The following TTN variants were observed in gnomAD, a reference collection of about 807,000 sequenced individuals.
The protein encoded by TTN is titin.
A neutral mutation model predicts 3,223.0 loss-of-function variants in TTN; 1,525 were observed. The ratio of observed to expected loss-of-function variants is 0.47; its 90% CI spans 0.45 to 0.49. The LOEUF is 0.49. Among genes scored for constraint, TTN ranks in the 20% least tolerant of loss-of-function variants. The pLI is 0.00. For synonymous variants in TTN, 14,094 were observed against 15,161.0 expected, an observed-to-expected ratio of 0.93 and a Z score of 5.17; for missense variants, 40,786 against 43,424.0, an observed-to-expected ratio of 0.94 and a Z score of 5.40.
chr2:178,607,258 G>C lies in TTN; in HGVS notation c.53344C>G (p.Leu17782Val), dbSNP rs1178247710. ...TCTTCTGGATCAGACCAGTTAAGTA[G>C]ACACATTTTTCTGTTTGTTACAACA... Reference protein sequence around the residue: ...KPVVTNRKMCLLNWSDPEDDG... With the variant: ...KPVVTNRKMCVLNWSDPEDDG... The change falls in exon 278 of 363, where the codon CTA (leucine) becomes GTA (valine). Residue 17782 changes from leucine to valine, a missense_variant. Leu to Val is a conservative substitution (Grantham distance 32). Coordinates refer to ENST00000589042, the MANE Select transcript of TTN (RefSeq NM_001267550.2). 6.2e-6 allele frequency: 10 copies of C among 1,612,692 alleles called. No individual in the cohort carries two copies. Among genetic ancestry groups the C allele is most frequent in the Non-Finnish European group, 8.5e-6 (10 of 1,179,288 alleles).
intron 98 of TTN, among the ~76,000 whole-genome samples, chr2:178,710,170 G>A (rs1380871437): frequency 6.6e-6 from 1 of 152,228 alleles, no homozygotes; most frequent in Non-Finnish European, 1.5e-5. Context: ...TATAAGCTGG[G>A]TGTGGTGGCT....
At chr2:178,550,433 T>G (rs1698924465) in intron 336 of TTN, 160 bp from the exon 337 acceptor site, 1 of 613,734 alleles carries the variant, frequency 1.6e-6, no homozygotes, top group Non-Finnish European at 2.7e-6. Flanking sequence ...ATTGAGAATT[T>G]GGACTATGGG....
At chr2:178,752,182 T>C in intron 47 of TTN, 1 of 762,242 alleles carries the variant, frequency 1.3e-6, no homozygotes. Flanking sequence ...ACCATATTTG[T>C]TCGAATAAAC....
At chr2:178,642,365 G>T in intron 218 of TTN, 48 bp from the exon 219 acceptor site, 1 of 1,501,090 alleles carries the variant, frequency 6.7e-7, no homozygotes, top group South Asian at 1.3e-5. Flanking sequence ...ATATAAAAAC[G>T]GAATTTCAAC....
rs762662244 is a variant in TTN at position 178,634,497 on chromosome 2, G to A, written c.42284C>T (p.Ser14095Phe). 1 of 1,613,200 alleles carries A rather than the reference G, an allele frequency of 6.2e-7. No homozygotes were observed. Among genetic ancestry groups the A allele is most frequent in the East Asian group, 2.2e-5 (1 of 44,792 alleles). Residue 14095 changes from serine (S) to phenylalanine (F), a missense_variant, in exon 230 of 363, where the codon TCT becomes TTT. By Grantham distance (155) the Ser-to-Phe change is radical (BLOSUM62 -2). Coordinates refer to ENST00000589042, the MANE Select transcript of TTN (RefSeq NM_001267550.2). This position sits in a 1 kb window ranked among gnomAD's most constrained non-coding sequence, Gnocchi z 4.6. ...ATCAGCGATGATATCAAATTTGTCA[G>A]ATGACTTAATTATATCAGGTCCTTT... The part of the protein sequence containing the change: ...WSKGPDIIKS[S>F]DKFDIIADGK...
chr2:178,792,723 G>A (rs181338296), intron 9 of TTN, among the ~76,000 whole-genome samples: 1 of 152,280 alleles, frequency 6.6e-6, no homozygotes, highest in Non-Finnish European at 1.5e-5. Context: ...TATGTAGGGG[G>A]ACAGTTTTCT....
rs757101265 is a variant in TTN, at chr2:178,589,132, G to T, written c.62593C>A (p.Pro20865Thr). 27 of 1,612,820 alleles carry T rather than the reference G, an allele frequency of 1.7e-5. No homozygotes were observed. In the South Asian group the frequency reaches 2.9e-4, roughly 17 times the overall value. Residue 20865 changes from proline to threonine, a missense_variant, in exon 304 of 363, where the codon CCT becomes ACT. Pro to Thr is a conservative substitution (Grantham distance 38). Coordinates refer to ENST00000589042, the MANE Select transcript of TTN (RefSeq NM_001267550.2). ...ATTTTCAGATTTCTCACAGGACCAG[G>T]CTTATCTAAAACATTGACAGTGGCA... The part of the protein sequence containing the change: ...AYATVNVLDK[P>T]GPVRNLKIVD...
At chr2:178,637,187 A>ATCTATATATCTATC (rs1356754460) in intron 224 of TTN, among the ~76,000 whole-genome samples, 182 bp downstream of exon 224, 162 of 125,288 alleles carry the variant, frequency 1.3e-3, no homozygotes, top group African/African-American at 4.7e-3. Flanking sequence ...ATATATATAT[A>ATCTATATATCTATC]TATCTCCTTG....
chr2:178,784,734 G>A (rs59532220), intron 15 of TTN, among the ~76,000 whole-genome samples: 8,906 of 152,068 alleles, frequency 0.059, 334 homozygotes, highest in Non-Finnish European at 0.085. Flanking sequence ...TGAAATTGTT[G>A]GTAAATGCCT....
rs1208500218 is a variant in TTN, at chr2:178,560,322, G to T, written c.85810C>A (p.Pro28604Thr). Reference sequence around the variant, plus strand: ...GATTTCACTCTTAGATCATAAACTGGTTTTTTGTTTACACGCACCCATCTT... The same window carrying T: ...GATTTCACTCTTAGATCATAAACTGTTTTTTTGTTTACACGCACCCATCTT... ...SLRWVRVNKK[P>T]VYDLRVKSTG... Residue 28604 changes from proline (P) to threonine (T), a missense_variant, in exon 326 of 363, where the codon CCA (proline) becomes ACA (threonine). Pro to Thr is a conservative substitution (Grantham distance 38, BLOSUM62 -1). Transcript: ENST00000589042. 1.2e-6 allele frequency: 2 copies of T among 1,613,694 alleles called. No individual in the cohort carries two copies. Among genetic ancestry groups the T allele is most frequent in the South Asian group, 2.2e-5 (2 of 91,072 alleles).
chr2:178,719,257 T>C lies in TTN; in HGVS notation c.24133A>G (p.Ser8045Gly). 1.9e-6 allele frequency: 3 copies of C among 1,613,572 alleles called. No individual in the cohort carries two copies. The highest frequency in any genetic ancestry group is 2.5e-6 in the Non-Finnish European group (3 of 1,179,712). The change falls in exon 83 of 363, where the codon AGC (serine) becomes GGC (glycine). Residue 8045 changes from serine (S) to glycine (G), a missense_variant. By Grantham distance (56) the Ser-to-Gly change is moderately conservative. Transcript: ENST00000589042. ...FSENVCTLNL[S>G]LLEPSDTGIY... ...CCTGTGTCGGAGGGCTCCAACAAGCTCAGATTCAAAGTACAGACGTTTTCC... is the reference window on the plus strand; with the variant it reads ...CCTGTGTCGGAGGGCTCCAACAAGCCCAGATTCAAAGTACAGACGTTTTCC...
chr2:178,562,544 G>C lies in TTN; in HGVS notation c.83588C>G (p.Pro27863Arg). The change falls in exon 326 of 363, where the codon CCA (proline) becomes CGA (arginine). Residue 27863 changes from proline (P) to arginine (R), a missense_variant. By Grantham distance (103) the Pro-to-Arg change is moderately radical. Transcript: ENST00000589042. ...ETTEPVKVSE[P>R]PLPPGRVTLV... is the part of the protein sequence containing the mutation. ...AGTTACTCTTCCAGGTGGGAGGGGT[G>C]GTTCAGACACTTTAACGGGTTCTGT... The C allele has an allele frequency of 6.2e-7, 1 of 1,610,078 alleles. No homozygotes were observed. Among genetic ancestry groups the C allele is most frequent in the Non-Finnish European group, 8.5e-7 (1 of 1,178,562 alleles).
chr2:178,669,471 T>C, intron 158 of TTN, 24 bp from the exon 159 acceptor site: 1 of 1,559,170 alleles, frequency 6.4e-7, no homozygotes, highest in Non-Finnish European at 8.6e-7. Context: ...AGTATATTAA[T>C]TGTTACAGAT....
intron 24 of TTN, 160 bp downstream of exon 24, chr2:178,778,714 G>T (rs2092479455): frequency 1.0e-6 from 1 of 984,972 alleles, no homozygotes; most frequent in East Asian, 2.6e-5. Flanking sequence ...TTACACAGGG[G>T]CAAGAAATAA....
chr2:178,778,363 A>C, intron 24 of TTN: 1 of 275,094 alleles, frequency 3.6e-6, no homozygotes. Flanking sequence ...GGAAAAATAA[A>C]AAATACACAT....
rs1263853113 is a variant in TTN, at chr2:178,689,887, A to G, written c.31772T>C (p.Val10591Ala). 2.5e-6 allele frequency: 4 copies of G among 1,613,066 alleles called. No individual in the cohort carries two copies. The highest frequency in any genetic ancestry group is 1.7e-6 in the Non-Finnish European group (2 of 1,179,446). The change falls in exon 122 of 363, where the codon GTG becomes GCG. Residue 10591 changes from valine (V) to alanine (A), a missense_variant. By Grantham distance (64) the Val-to-Ala change is moderately conservative (BLOSUM62 0). Coordinates refer to ENST00000589042, the MANE Select transcript of TTN (RefSeq NM_001267550.2). ...TTCTTCAGGGACAGGTTTCTTTGGCACCTCTGGGACTTAAAGTTTTTGAAA... is the reference window on the plus strand; with the variant it reads ...TTCTTCAGGGACAGGTTTCTTTGGCGCCTCTGGGACTTAAAGTTTTTGAAA... Reference protein sequence around the residue: ...EPAAPPKVPEVPKKPVPEEKI... With the variant: ...EPAAPPKVPEAPKKPVPEEKI...
rs773021696 is a variant in TTN, at chr2:178,799,676, T to C, written c.725A>G (p.Asp242Gly). ...RSIATVEMVI[D>G]GAAGQQLPHK... Reference sequence around the variant, plus strand: ...TGGCAGCTGTTGCCCAGCGGCACCATCTATGACCATCTCAACTGTTGCAAT... The same window carrying C: ...TGGCAGCTGTTGCCCAGCGGCACCACCTATGACCATCTCAACTGTTGCAAT... Residue 242 changes from aspartate to glycine, a missense_variant, in exon 6 of 363, where the codon GAT (aspartate) becomes GGT (glycine). Transcript: ENST00000589042. 3.2e-5 allele frequency: 51 copies of C among 1,614,052 alleles called. No homozygotes were observed. In the South Asian group the frequency reaches 3.4e-4, roughly 11 times the overall value.
chr2:178,728,035 G>T, intron 67 of TTN, 75 bp downstream of exon 67: 1 of 1,455,860 alleles, frequency 6.9e-7, no homozygotes, highest in East Asian at 2.4e-5. Flanking sequence ...TAGCTCTAAA[G>T]GATACAAAGG....
intron 21 of TTN, among the ~76,000 whole-genome samples, 195 bp from the exon 22 acceptor site, chr2:178,780,400 C>A (rs1263546812): frequency 1.3e-5 from 2 of 152,194 alleles, no homozygotes; most frequent in African/African-American, 2.4e-5. Context: ...ATCCAACCAG[C>A]CATTACAATT....
Sources: gnomAD v4.1 joint callset for allele counts (sites outside exome capture counted in the v4.1 genomes callset) on GRCh38, gnomAD v4.1.1 for gene constraint, Gnocchi (gnomAD v3.1) non-coding constraint, MANE v1.5 for transcripts, NCBI Gene and HGNC (gene_info 2026-07-23, HGNC 2026-07-21) for gene names.